The following NSF variants were observed in gnomAD, a reference collection of about 807,000 sequenced individuals.
NSF encodes the protein vesicle-fusing ATPase.
Under a neutral mutation model 50.3 loss-of-function variants are expected in NSF, and 14 were observed. That is an observed-to-expected ratio of 0.28 (90% CI 0.18 to 0.44). The LOEUF (loss-of-function observed/expected upper bound fraction) is 0.44, where lower values mean the gene tolerates loss of function less well. NSF is among the 20% of genes least tolerant of loss of function. The pLI is 1.00. For synonymous variants in NSF, 109 were observed against 175.7 expected, an observed-to-expected ratio of 0.62 and a Z score of 3.00; for missense variants, 218 against 504.3, an observed-to-expected ratio of 0.43 and a Z score of 5.44.
chr17:46,725,061 C>T (rs965102509), intron 15 of NSF, among the ~76,000 whole-genome samples: 1 of 152,114 alleles, frequency 6.6e-6, no homozygotes, highest in African/African-American at 2.4e-5. Context: ...GTAATTAAGA[C>T]AGCACTTGCC....
intron 17 of NSF, among the ~76,000 whole-genome samples, chr17:46,734,648 C>T (rs2058982652): frequency 6.6e-6 from 1 of 152,068 alleles, no homozygotes; most frequent in African/African-American, 2.4e-5. Context: ...TAGTGATCAA[C>T]TAAGATAATG....
chr17:46,721,771 GTCC>G lies in NSF; in HGVS notation c.1762-4775_1762-4773del, dbSNP rs573846675. ...CCACAATTTCGCTTGGGAAGACCAA[GTCC>G]TCAAGGAAGGCATCGTGCACAGCTG... On this transcript the variant is annotated intron_variant, in intron 15 of 20. Transcript: ENST00000398238. The G allele has an allele frequency of 2.1e-4, 331 of 1,602,486 alleles. No individual in the cohort carries two copies. The African/African-American group carries it at 4.1e-3, about 20-fold the overall frequency.
At position 46,609,772 on chromosome 17, in the gene NSF, A is replaced by G. The variant is rs1267482131; in HGVS notation, c.13-14472A>G. Among the ~76,000 whole-genome samples, 3 of 143,772 alleles carry G rather than the reference A, an allele frequency of 2.1e-5. No homozygotes were observed. The East Asian group carries it at 5.8e-4, about 28-fold the overall frequency. The allele number at this position is 143,772 out of a possible 152,430, so 94.3% of individuals were successfully genotyped here. A position where few individuals can be genotyped will look rare whatever the true frequency, so the allele number is the denominator to read the frequency against. On this transcript the variant is annotated intron_variant, in intron 1 of 20. Transcript: ENST00000398238. ...ATGTAAGTCCGTAAGATCATGCAGC[A>G]TTGAAGATGTGCAGTTTACTAGATC... is the stretch of plus-strand genomic sequence containing the variant.
chr17:46,755,862 G>A lies in NSF; in HGVS notation c.*39G>A, dbSNP rs555054943. ...GAAACACACAGTGACCAAGGGAAGT[G>A]ACCAAGGTGAAGATGGCCTAGGATC... On this transcript the variant is annotated 3_prime_UTR_variant, in exon 21 of 21. Transcript: ENST00000398238. The A allele has an allele frequency of 1.9e-6, 3 of 1,603,642 alleles. No homozygotes were observed. Among genetic ancestry groups the A allele is most frequent in the South Asian group, 1.1e-5 (1 of 89,778 alleles).
Position 46,719,860 on chromosome 17 carries a change from A to G in NSF, c.1761+5874A>G, listed in dbSNP as rs971629312. On this transcript the variant is annotated intron_variant, in intron 15 of 20. Transcript: ENST00000398238. This position sits in a 1 kb window ranked among gnomAD's most constrained non-coding sequence, Gnocchi z 4.3. The stretch of plus-strand genomic sequence containing the variant: ...AATCAGATAGAACTAAATTGTTTGA[A>G]CAAAATTAAGTAAAACTACCAGTGA... Among the ~76,000 whole-genome samples, 2 of 152,230 alleles carry G rather than the reference A, an allele frequency of 1.3e-5. No individual in the cohort carries two copies. Among genetic ancestry groups the G allele is most frequent in the African/African-American group, 4.8e-5 (2 of 41,460 alleles).
intron 4 of NSF, among the ~76,000 whole-genome samples, chr17:46,631,080 A>ACACACACG (rs2058131961): frequency 6.9e-6 from 1 of 144,022 alleles, no homozygotes; most frequent in Admixed American, 6.7e-5. Flanking sequence ...ACACACACAC[A>ACACACACG]CACACACACA....
intron 15 of NSF, among the ~76,000 whole-genome samples, chr17:46,718,272 C>G (rs894493047): frequency 6.6e-6 from 1 of 152,038 alleles, no homozygotes; most frequent in Non-Finnish European, 1.5e-5. Context: ...GACTGGCCCT[C>G]GAGGGCACCC....
chr17:46,750,844 C>CA (rs1248382314), intron 18 of NSF, among the ~76,000 whole-genome samples: 2,028 of 115,940 alleles, frequency 0.017, 40 homozygotes, highest in African/African-American at 0.047. Flanking sequence ...TTAGAAATGT[C>CA]AAAAAAAAAA....
intron 17 of NSF, among the ~76,000 whole-genome samples, chr17:46,739,980 C>G (rs1201416991): frequency 6.6e-6 from 1 of 152,076 alleles, no homozygotes; most frequent in African/African-American, 2.4e-5. Flanking sequence ...GATTACAGGC[C>G]TGGCCTGATT....
At chr17:46,625,976 G>C (rs2058094954) in intron 2 of NSF, among the ~76,000 whole-genome samples, 1 of 146,286 alleles carries the variant, frequency 6.8e-6, no homozygotes, top group South Asian at 2.1e-4. Context: ...CCTGGTATAG[G>C]AGATTATCAT....
intron 17 of NSF, among the ~76,000 whole-genome samples, chr17:46,746,543 A>G (rs2059130963): frequency 1.3e-5 from 2 of 152,044 alleles, no homozygotes; most frequent in African/African-American, 2.4e-5. Context: ...ATCTGTGTAT[A>G]GGTTCAATGA....
intron 9 of NSF, among the ~76,000 whole-genome samples, chr17:46,691,593 T>TCAAA (rs922480545): frequency 2.6e-5 from 4 of 151,420 alleles, no homozygotes; most frequent in Non-Finnish European, 5.9e-5. Context: ...AGACTTCATC[T>TCAAA]CAAACAAACA....
At chr17:46,753,252 AGTGAG>A (rs2059201441) in intron 19 of NSF, among the ~76,000 whole-genome samples, 1 of 152,234 alleles carries the variant, frequency 6.6e-6, no homozygotes, top group South Asian at 2.1e-4. Context: ...TAGTGTGGGC[AGTGAG>A]CGGCAGAGGT....
intron 16 of NSF, 68 bp from the exon 17 acceptor site, chr17:46,728,786 CA>C (rs1282001796): frequency 1.2e-6 from 1 of 857,786 alleles, no homozygotes; most frequent in African/African-American, 1.8e-5. Flanking sequence ...AAAAAAAAAA[CA>C]AAAACTGAAT....
chr17:46,740,342 A>G (rs971135235), intron 17 of NSF, among the ~76,000 whole-genome samples: 3 of 152,226 alleles, frequency 2.0e-5, no homozygotes, highest in Admixed American at 6.5e-5. Context: ...TTGTGAACAT[A>G]AGAGACAATT....
rs564241844 is a variant in NSF, at chr17:46,595,514, G to A, written c.12+4727G>A. Among the ~76,000 whole-genome samples, 15 of 118,710 alleles carry A rather than the reference G, an allele frequency of 1.3e-4. 2 individuals are homozygous for A. Among genetic ancestry groups the A allele is most frequent in the Admixed American group, 8.9e-4 (10 of 11,232 alleles). The allele number at this position is 118,710 out of a possible 152,430, so 77.9% of individuals were successfully genotyped here. Reference sequence around the variant, plus strand: ...GATCTTTTTTTTTTTTTTTTGAGACGGAGTCTTGCTCCGTCACCCAGGCTG... The same window carrying A: ...GATCTTTTTTTTTTTTTTTTGAGACAGAGTCTTGCTCCGTCACCCAGGCTG... On this transcript the variant is annotated intron_variant, in intron 1 of 20. Coordinates refer to ENST00000398238, the MANE Select transcript of NSF (RefSeq NM_006178.4).
At chr17:46,737,963 C>A (rs1230679994) in intron 17 of NSF, among the ~76,000 whole-genome samples, 1 of 150,288 alleles carries the variant, frequency 6.7e-6, no homozygotes, top group African/African-American at 2.4e-5. Context: ...GAGATAGGAT[C>A]TTGCTGTGTT....
chr17:46,595,492 CTTT>C (rs1189885490), intron 1 of NSF, among the ~76,000 whole-genome samples: 3 of 96,110 alleles, frequency 3.1e-5, no homozygotes, highest in African/African-American at 6.4e-5. Context: ...ATCACTGGAT[CTTT>C]TTTTTTTTTT....
intron 17 of NSF, among the ~76,000 whole-genome samples, chr17:46,745,363 G>T (rs995727616): frequency 1.3e-5 from 2 of 152,208 alleles, no homozygotes; most frequent in Non-Finnish European, 2.9e-5. Context: ...CGCTTTACAA[G>T]TCAAGACCCA....
Sources: gnomAD v4.1 joint callset for allele counts (sites outside exome capture counted in the v4.1 genomes callset) on GRCh38, gnomAD v4.1.1 for gene constraint, Gnocchi (gnomAD v3.1) non-coding constraint, MANE v1.5 for transcripts, NCBI Gene and HGNC (gene_info 2026-07-23, HGNC 2026-07-21) for gene names.